NRG3: variants seen among roughly 807,000 people sequenced by gnomAD.
The protein encoded by NRG3 is pro-neuregulin-3, membrane-bound isoform.
A neutral mutation model predicts 66.9 loss-of-function variants in NRG3; 31 were observed. The observed-to-expected ratio is 0.46, with a 90% CI of 0.35 to 0.63. The LOEUF is 0.63. Ranked by LOEUF, NRG3 falls within the 20% of genes least tolerant of loss-of-function variation. The pLI is 0.00. For synonymous variants in NRG3, 393 were observed against 359.4 expected (o/e 1.09, Z -1.06); for missense variants, 910 against 878.9 (o/e 1.04, Z -0.45).
chr10:82,201,446 G>C (rs539086116), intron 1 of NRG3, among the ~76,000 whole-genome samples: 2 of 152,124 alleles, frequency 1.3e-5, no homozygotes, highest in South Asian at 4.1e-4. Context: ...TCTCCCTTAC[G>C]GTGCTTTAGT....
intron 3 of NRG3, among the ~76,000 whole-genome samples, chr10:82,822,450 G>A (rs2061993395): frequency 6.6e-6 from 1 of 152,232 alleles, no homozygotes; most frequent in Middle Eastern, 3.4e-3. Context: ...TTAATGCATG[G>A]TGCCAACACT....
chr10:82,921,058 G>T (rs78802301), intron 4 of NRG3, among the ~76,000 whole-genome samples: 1 of 140,992 alleles, frequency 7.1e-6, no homozygotes, highest in Non-Finnish European at 1.6e-5. Flanking sequence ...TATGGAAACA[G>T]AAAAAAAAAA....
intron 3 of NRG3, among the ~76,000 whole-genome samples, chr10:82,801,203 T>C (rs2061021725): frequency 6.6e-6 from 1 of 152,152 alleles, no homozygotes; most frequent in Non-Finnish European, 1.5e-5. Flanking sequence ...TGGAGGTACA[T>C]ATTTTAAACC....
intron 1 of NRG3, among the ~76,000 whole-genome samples, chr10:81,966,811 T>C (rs2059747013): frequency 1.3e-5 from 2 of 152,172 alleles, no homozygotes; most frequent in Admixed American, 1.3e-4. Context: ...AGGAAATTAG[T>C]CCTATCTTTT....
intron 1 of NRG3, among the ~76,000 whole-genome samples, chr10:81,964,393 C>A (rs920285914): frequency 1.4e-4 from 11 of 78,000 alleles, no homozygotes; most frequent in African/African-American, 2.4e-4. Context: ...GAGACTCTGT[C>A]TCAAAAAAAA....
chr10:82,030,863 G>A (rs2062539240), intron 1 of NRG3, among the ~76,000 whole-genome samples: 1 of 152,076 alleles, frequency 6.6e-6, no homozygotes, highest in African/African-American at 2.4e-5. Context: ...AATTCACTAG[G>A]AATGGGGAGT....
intron 1 of NRG3, among the ~76,000 whole-genome samples, chr10:82,141,784 A>G (rs886588801): frequency 6.6e-6 from 1 of 152,188 alleles, no homozygotes; most frequent in African/African-American, 2.4e-5. Flanking sequence ...TTTTTTGATA[A>G]GCATTTACAT....
chr10:82,466,466 A>G lies in NRG3; in HGVS notation c.953+107598A>G, dbSNP rs192219554. Among the ~76,000 whole-genome samples, 105 of 152,270 alleles carry G rather than the reference A, an allele frequency of 6.9e-4. 1 individual carries two copies. The highest frequency in any genetic ancestry group is 1.8e-3 in the Admixed American group (28 of 15,296). ...GAAGCTGACTCCTCTGATTGCCACT[A>G]GGGAGATAGGGGCTTAATGAAACAG... is the stretch of plus-strand genomic sequence containing the variant. On this transcript the variant is annotated intron_variant, in intron 2 of 8. Coordinates refer to ENST00000372141, the MANE Select transcript of NRG3 (RefSeq NM_001010848.4).
At chr10:82,673,997 T>G (rs1397049170) in intron 2 of NRG3, among the ~76,000 whole-genome samples, 1 of 152,060 alleles carries the variant, frequency 6.6e-6, no homozygotes, top group Admixed American at 6.6e-5. Context: ...TAGTCCAGCA[T>G]ACAAGATGTT....
chr10:82,024,701 G>A (rs1259742109), intron 1 of NRG3, among the ~76,000 whole-genome samples: 1 of 152,002 alleles, frequency 6.6e-6, no homozygotes, highest in African/African-American at 2.4e-5. Context: ...TTCACTCTAC[G>A]TGTCTGGAAT....
intron 1 of NRG3, among the ~76,000 whole-genome samples, chr10:82,078,413 C>G (rs1001351835): frequency 1.3e-5 from 2 of 152,168 alleles, no homozygotes; most frequent in Non-Finnish European, 2.9e-5. Flanking sequence ...TGCAGTGGCA[C>G]GATCTCGGCT....
In NRG3 at chr10:82,983,639, GATA is replaced by G. The variant is rs554345339; in HGVS notation, c.1584-1451_1584-1449del. ...AGTCTATTTTACGCACCCATTAAAT[GATA>G]ATAATAAATAAACTACAAGGTTTTT... On this transcript the variant is annotated intron_variant, in intron 8 of 8. Transcript: ENST00000372141. Among the ~76,000 whole-genome samples, 283 of 152,284 alleles carry G rather than the reference GATA, an allele frequency of 1.9e-3. 3 individuals are homozygous for G. Among genetic ancestry groups the G allele is most frequent in the African/African-American group, 6.6e-3 (276 of 41,564 alleles).
chr10:82,285,359 C>A (rs770761599), intron 1 of NRG3, among the ~76,000 whole-genome samples: 33 of 152,164 alleles, frequency 2.2e-4, no homozygotes, highest in Non-Finnish European at 4.1e-4. Flanking sequence ...CTGGATCAAT[C>A]CCACTTCTTG....
intron 1 of NRG3, among the ~76,000 whole-genome samples, chr10:82,315,664 G>A (rs1589693764): frequency 7.2e-6 from 1 of 139,544 alleles, no homozygotes; most frequent in South Asian, 2.2e-4. Context: ...ATATACGTTT[G>A]TTGTTTTTTT....
chr10:82,770,576 C>T (rs1212800998), intron 3 of NRG3, among the ~76,000 whole-genome samples: 2 of 152,040 alleles, frequency 1.3e-5, no homozygotes, highest in East Asian at 1.9e-4. Context: ...GCAGAGAGTC[C>T]TGAGAAAAAC....
At chr10:82,355,498 G>A (rs1369919326) in intron 1 of NRG3, among the ~76,000 whole-genome samples, 1 of 152,102 alleles carries the variant, frequency 6.6e-6, no homozygotes, top group Non-Finnish European at 1.5e-5. Flanking sequence ...AATGTAGGAG[G>A]ATATCATCCA....
At chr10:82,132,467 T>A (rs137992846) in intron 1 of NRG3, among the ~76,000 whole-genome samples, 7,974 of 131,554 alleles carry the variant, frequency 0.061, 1,374 homozygotes, top group East Asian at 0.17. Context: ...ATGATATATA[T>A]GATATATATA....
intron 1 of NRG3, among the ~76,000 whole-genome samples, chr10:82,188,981 G>A (rs1268345391): frequency 2.0e-5 from 3 of 149,858 alleles, no homozygotes; most frequent in Admixed American, 1.3e-4. Context: ...ATGGAGAAGG[G>A]CAAAAAAAAC....
chr10:82,028,389 C>T (rs11192209), intron 1 of NRG3, among the ~76,000 whole-genome samples: 23,949 of 151,992 alleles, frequency 0.16, 2,339 homozygotes, highest in East Asian at 0.41. Flanking sequence ...TTGCCTTCTG[C>T]TCTTCAATAG....
Sources: allele counts gnomAD v4.1 joint callset (sites outside exome capture counted in the v4.1 genomes callset), GRCh38; gene constraint gnomAD v4.1.1; transcripts MANE v1.5; gene names NCBI Gene and HGNC (gene_info 2026-07-23, HGNC 2026-07-21).